CDC42BPG: variants seen among roughly 807,000 people sequenced by gnomAD.
CDC42BPG encodes serine/threonine-protein kinase MRCK gamma.
Under a neutral mutation model 192.2 loss-of-function variants are expected in CDC42BPG, and 157 were observed. The ratio of observed to expected loss-of-function variants is 0.82; its 90% confidence interval spans 0.72 to 0.93. CDC42BPG has a LOEUF of 0.93. Among genes scored for constraint, CDC42BPG ranks in the 40% least tolerant of loss-of-function variants. The probability of loss-of-function intolerance (pLI) is 0.00; values close to 1 mark genes in which losing one functional copy is unlikely to be tolerated. For synonymous variants in CDC42BPG, 981 were observed against 918.5 expected (o/e 1.07, Z -1.23); for missense variants, 1,992 against 2,122.1 (o/e 0.94, Z 1.20).
chr11:64,843,551 C>G (rs1452723639), intron 1 of CDC42BPG, among the ~76,000 whole-genome samples: 2 of 152,170 alleles, frequency 1.3e-5, no homozygotes, highest in Non-Finnish European at 2.9e-5. Flanking sequence ...ACGCTAGTTG[C>G]CCACTGGGCA....
Position 64,840,629 on chromosome 11 carries a change from T to A in CDC42BPG, c.356A>T (p.Glu119Val). 6.2e-7 allele frequency: 1 copy of A among 1,613,734 alleles called. No individual in the cohort carries two copies. Among genetic ancestry groups the A allele is most frequent in the Non-Finnish European group, 8.5e-7 (1 of 1,180,000 alleles). ...KRAETACFRE[E>V]RDVLVKGDSR... ...GTCCCCTTTCACGAGCACATCCCGC[T>A]CCTCCCGGAAACAGGCTGTCTGCAG... Residue 119 changes from glutamate to valine, a missense_variant, in exon 4 of 37, where the codon GAG (glutamate) becomes GTG (valine). Glu to Val is a moderately radical substitution (Grantham distance 121, BLOSUM62 -2). This residue lies in a region of CDC42BPG where 1,656 missense variants were observed against 1,844.3 expected (regional missense o/e 0.90). Transcript: ENST00000342711.
In CDC42BPG at chr11:64,830,215, CAA is replaced by C. The variant is rs773570308; in HGVS notation, c.3344_3345del (p.Phe1115CysfsTer106). 1 of 1,613,480 alleles carries C rather than the reference CAA, an allele frequency of 6.2e-7. No individual in the cohort carries two copies. Among genetic ancestry groups the C allele is most frequent in the South Asian group, 1.1e-5 (1 of 90,954 alleles). On this transcript the variant is annotated frameshift_variant, in exon 29 of 37. Transcript: ENST00000342711. LOFTEE classifies it high-confidence loss of function. ...RLALGTEEGL[F>X]VIHLRSNDIF... is the part of the protein sequence containing the mutation. Reference sequence around the variant, plus strand: ...GTACCGTTGCTGCGCAGATGGATGACAAAGAGCCCCTCCTCGGTGCCAAGCGC... The same window carrying C: ...GTACCGTTGCTGCGCAGATGGATGACAGAGCCCCTCCTCGGTGCCAAGCGC...
At chr11:64,824,954 C>G (rs1375696242) in intron 36 of CDC42BPG, among the ~76,000 whole-genome samples, 2 of 151,424 alleles carry the variant, frequency 1.3e-5, no homozygotes, top group East Asian at 3.9e-4. Flanking sequence ...CAGAGTCTCG[C>G]TCTGGAGGCT....
At position 64,827,529 on chromosome 11, in the gene CDC42BPG, G is replaced by A; in HGVS notation, c.4148C>T (p.Ala1383Val). The A allele has an allele frequency of 6.2e-7, 1 of 1,611,984 alleles. No individual in the cohort carries two copies. The highest frequency in any genetic ancestry group is 2.2e-5 in the East Asian group (1 of 44,796). Reference protein sequence around the residue: ...VRLTYLRNQLAEKDEFDIPDL... With the variant: ...VRLTYLRNQLVEKDEFDIPDL... ...CCCGTACACACGCACTCCCTCACCT[G>A]CCAGCTGGTTCCTGAGGTAGGTCAG... The change falls in exon 32 of 37, where the codon GCA (alanine) becomes GTA (valine). Residue 1383 changes from alanine (A) to valine (V), a missense_variant and splice_region_variant. Ala to Val is a moderately conservative substitution (Grantham distance 64). Transcript: ENST00000342711.
At chr11:64,830,690 C>A (rs1003080728) in intron 28 of CDC42BPG, among the ~76,000 whole-genome samples, 3 of 152,242 alleles carry the variant, frequency 2.0e-5, no homozygotes, top group African/African-American at 7.2e-5. Flanking sequence ...CCGGGCCTGG[C>A]TCAGGGCCTC....
At chr11:64,828,889 A>C (rs1445352927) in intron 30 of CDC42BPG, among the ~76,000 whole-genome samples, 1 of 152,158 alleles carries the variant, frequency 6.6e-6, no homozygotes, top group Non-Finnish European at 1.5e-5. Flanking sequence ...GTCTCCACTA[A>C]AAATACAAAA....
In CDC42BPG at chr11:64,841,834, G is replaced by A. The variant is rs56338925; in HGVS notation, c.231C>T (p.Ile77=). Residue 77 remains isoleucine (I), a synonymous_variant, in exon 2 of 37, where the codon ATC becomes ATT. Coordinates refer to ENST00000342711, the MANE Select transcript of CDC42BPG (RefSeq NM_017525.3). ...QRDDFEILKV[I]GRGAFGEVTV... is the part of the protein sequence containing the mutation. The stretch of plus-strand genomic sequence containing the variant: ...TCACCTCCCCAAAGGCTCCTCGGCC[G>A]ATCACCTTCAAGATCTCAAAGTCAT... 5,988 of 1,613,942 alleles carry A rather than the reference G, an allele frequency of 3.7e-3. 20 individuals are homozygous for A. Among genetic ancestry groups the A allele is most frequent in the Non-Finnish European group, 4.8e-3 (5,718 of 1,179,964 alleles).
chr11:64,828,566 G>A (rs964058070), intron 30 of CDC42BPG, among the ~76,000 whole-genome samples: 1 of 152,238 alleles, frequency 6.6e-6, no homozygotes, highest in Non-Finnish European at 1.5e-5. Context: ...TATCTTTGGA[G>A]CGCCTACCAG....
chr11:64,833,087 A>C, intron 24 of CDC42BPG, 128 bp from the exon 25 acceptor site: 1 of 1,308,420 alleles, frequency 7.6e-7, no homozygotes, highest in Non-Finnish European at 1.0e-6. Context: ...CCAATTCCTC[A>C]TCAAGTGAGA....
intron 9 of CDC42BPG, 60 bp downstream of exon 9, chr11:64,838,023 A>C (rs1943098634): frequency 2.8e-6 from 4 of 1,423,300 alleles, no homozygotes; most frequent in Non-Finnish European, 3.9e-6. Flanking sequence ...CTACGCGCCC[A>C]GTGTCCTCCA....
chr11:64,830,564 G>A, intron 28 of CDC42BPG: 2 of 481,506 alleles, frequency 4.2e-6, no homozygotes, highest in Non-Finnish European at 3.8e-6. Context: ...GAGGAAGCGA[G>A]GAAGTGATGC....
chr11:64,829,002 A>C (rs2136259090), intron 30 of CDC42BPG, among the ~76,000 whole-genome samples: 1 of 151,978 alleles, frequency 6.6e-6, no homozygotes, highest in African/African-American at 2.4e-5. Context: ...GTGAGCCGAG[A>C]TCACACCACT....
rs1565690115 is a variant in CDC42BPG, at chr11:64,836,717, G to GT, written c.1384+21_1384+22insA. ...GTGGGACTCAGCCCTGGGGGGGGGG[G>GT]GGGGGTGGGCGGAAGGGATACCTGG... On this transcript the variant is annotated intron_variant, in intron 11 of 36. Transcript: ENST00000342711. The GT allele has an allele frequency of 2.3e-5, 20 of 858,644 alleles. 2 individuals are homozygous for GT. The highest frequency in any genetic ancestry group is 7.5e-4 in the Middle Eastern group (2 of 2,668). 53.2% of individuals were successfully genotyped at this position (858,644 alleles called of 1,614,324 possible). A position where few individuals can be genotyped will look rare whatever the true frequency, so the allele number is the denominator to read the frequency against.
intron 16 of CDC42BPG, 88 bp from the exon 17 acceptor site, chr11:64,835,241 C>T: frequency 6.2e-7 from 1 of 1,605,182 alleles, no homozygotes; most frequent in Non-Finnish European, 8.5e-7. Context: ...ACCCCGAGCC[C>T]CGTCCATGTC....
chr11:64,836,852 A>G (rs371037844), intron 10 of CDC42BPG, 33 bp from the exon 11 acceptor site: 1 of 1,607,878 alleles, frequency 6.2e-7, no homozygotes, highest in Non-Finnish European at 8.5e-7. Flanking sequence ...AGGTGAGTCC[A>G]CTCCTCCATT....
intron 13 of CDC42BPG, 97 bp from the exon 14 acceptor site, chr11:64,835,948 C>T: frequency 7.6e-7 from 1 of 1,312,914 alleles, no homozygotes; most frequent in Non-Finnish European, 1.0e-6. Flanking sequence ...CCACAGTGGA[C>T]ATGAGGAGGC....
At position 64,840,167 on chromosome 11, in the gene CDC42BPG, C is replaced by T. The variant is rs1387522504; in HGVS notation, c.534G>A (p.Glu178=). ...GCAGCGAGTGGATGGCCAGCACCAT[C>T]TCAGCCAGGTAGAACTGGGCCAGCT... The part of the protein sequence containing the change: ...PPELAQFYLA[E]MVLAIHSLHQ... The change falls in exon 5 of 37, where the codon GAG becomes GAA. Residue 178 remains glutamate (E), a synonymous_variant. Coordinates refer to ENST00000342711, the MANE Select transcript of CDC42BPG (RefSeq NM_017525.3). 1.9e-6 allele frequency: 3 copies of T among 1,613,094 alleles called. No homozygotes were observed. The highest frequency in any genetic ancestry group is 2.5e-6 in the Non-Finnish European group (3 of 1,179,922).
At chr11:64,828,853 C>T (rs1357851531) in intron 30 of CDC42BPG, among the ~76,000 whole-genome samples, 1 of 152,188 alleles carries the variant, frequency 6.6e-6, no homozygotes, top group Non-Finnish European at 1.5e-5. Context: ...AGTTTGAGAC[C>T]AGCCTGGCCA....
rs1224829557 is a variant in CDC42BPG, at chr11:64,836,498, T to G, written c.1417A>C (p.Thr473Pro). Residue 473 changes from threonine (T) to proline (P), a missense_variant, in exon 12 of 37, where the codon ACG becomes CCG. Thr to Pro is a conservative substitution (Grantham distance 38). Around this residue, in one of 2 missense-constraint regions of CDC42BPG, gnomAD observed 1,656 missense variants for 1,844.3 expected, o/e 0.90. Coordinates refer to ENST00000342711, the MANE Select transcript of CDC42BPG (RefSeq NM_017525.3). ...GGGCTACCAGCTGGGGGCCCATCCG[T>G]CTGGGACAATGAGGCCTTGTCCCTC... ...MLRDKASLSQTDGPPAGSPGQ... is the reference protein window; with the variant it reads ...MLRDKASLSQPDGPPAGSPGQ... 6.2e-7 allele frequency: 1 copy of G among 1,613,306 alleles called. No individual in the cohort carries two copies. The highest frequency in any genetic ancestry group is 1.7e-5 in the Admixed American group (1 of 60,008).
Sources: allele counts gnomAD v4.1 joint callset (sites outside exome capture counted in the v4.1 genomes callset), GRCh38; gene constraint gnomAD v4.1.1; regional missense constraint gnomAD v4.1.1; transcripts MANE v1.5; gene names NCBI Gene and HGNC (gene_info 2026-07-23, HGNC 2026-07-21).